Variants in PITPNC1 observed in about 807,000 individuals in gnomAD.
The protein encoded by PITPNC1 is cytoplasmic phosphatidylinositol transfer protein 1.
Under a neutral mutation model 44.7 loss-of-function variants are expected in PITPNC1, and 18 were observed. That is an observed-to-expected ratio of 0.40 (90% confidence interval 0.28 to 0.60). PITPNC1 has a LOEUF of 0.60. Among genes scored for constraint, PITPNC1 ranks in the 20% least tolerant of loss-of-function variants. The pLI, the probability that PITPNC1 is intolerant of heterozygous loss-of-function variation, is 0.39. For synonymous variants in PITPNC1, 141 were observed against 149.6 expected, an observed-to-expected ratio of 0.94 and a Z score of 0.42; for missense variants, 290 against 418.4, an observed-to-expected ratio of 0.69 and a Z score of 2.68.
chr17:67,408,707 TTCC>T (rs1407488224), intron 1 of PITPNC1: 1 of 148,518 alleles, frequency 6.7e-6, no homozygotes, highest in Non-Finnish European at 1.5e-5. Flanking sequence ...CCTTCCTTCC[TTCC>T]TTCCTTCCTT....
chr17:67,526,483 C>T (rs909328132), intron 1 of PITPNC1, among the ~76,000 whole-genome samples: 6 of 152,112 alleles, frequency 3.9e-5, no homozygotes, highest in African/African-American at 1.4e-4. Context: ...AATCCCAGCA[C>T]TTTGGGAGGC....
chr17:67,642,516 A>G (rs1039178594), intron 6 of PITPNC1, among the ~76,000 whole-genome samples: 20 of 152,178 alleles, frequency 1.3e-4, no homozygotes, highest in African/African-American at 4.6e-4. Flanking sequence ...ATGAATAGGA[A>G]CATTTGGAAA....
At chr17:67,423,759 G>T (rs2038703249) in intron 1 of PITPNC1, among the ~76,000 whole-genome samples, 1 of 152,134 alleles carries the variant, frequency 6.6e-6, no homozygotes, top group African/African-American at 2.4e-5. Context: ...CGTTTCTGTG[G>T]CTCCTTCAAG....
In PITPNC1 at chr17:67,428,839, C is replaced by CTTTT. The variant is rs369624053; in HGVS notation, c.48+50653_48+50656dup. 8.7e-3 allele frequency among the ~76,000 whole-genome samples: 979 copies of CTTTT among 113,122 alleles called. 44 individuals are homozygous for CTTTT. Among genetic ancestry groups the CTTTT allele is most frequent in the African/African-American group, 0.015 (439 of 30,252 alleles). 74.2% of individuals were successfully genotyped at this position (113,122 alleles called of 152,430 possible). A position where few individuals can be genotyped will look rare whatever the true frequency, so the allele number is the denominator to read the frequency against. ...TAACCATTTTTTTCTACTTGTCTTG[C>CTTTT]TTTTTTTTTTTTTTTTTTTGAGACG... On this transcript the variant is annotated intron_variant, in intron 1 of 8. Transcript: ENST00000581322.
intron 2 of PITPNC1, among the ~76,000 whole-genome samples, chr17:67,545,805 T>C (rs1206514491): frequency 1.3e-5 from 2 of 152,098 alleles, no homozygotes; most frequent in African/African-American, 2.4e-5. Flanking sequence ...CTGCTGGGCA[T>C]CACACACCGT....
At chr17:67,484,066 G>A (rs1309166103) in intron 1 of PITPNC1, among the ~76,000 whole-genome samples, 1 of 151,924 alleles carries the variant, frequency 6.6e-6, no homozygotes, top group Non-Finnish European at 1.5e-5. Context: ...TTACAGGCAT[G>A]TACCACCATG....
chr17:67,616,838 TC>T (rs1400019125), intron 5 of PITPNC1, among the ~76,000 whole-genome samples: 4 of 152,236 alleles, frequency 2.6e-5, no homozygotes, highest in Admixed American at 1.3e-4. Flanking sequence ...CCTGGTGCGT[TC>T]GTCAGCGGCT....
At chr17:67,420,857 TC>T (rs1241888225) in intron 1 of PITPNC1, among the ~76,000 whole-genome samples, 3 of 152,240 alleles carry the variant, frequency 2.0e-5, no homozygotes, top group African/African-American at 7.2e-5. Context: ...TTCTGATCAA[TC>T]AATAGCCCTT....
intron 2 of PITPNC1, among the ~76,000 whole-genome samples, chr17:67,540,494 T>C (rs1221168089): frequency 1.3e-5 from 2 of 152,196 alleles, no homozygotes; most frequent in Non-Finnish European, 2.9e-5. Flanking sequence ...AATTCAGAAG[T>C]GTACACCAAC....
intron 5 of PITPNC1, among the ~76,000 whole-genome samples, chr17:67,584,660 G>A (rs1425063409): frequency 6.6e-6 from 1 of 152,174 alleles, no homozygotes; most frequent in African/African-American, 2.4e-5. Flanking sequence ...CATGATTACT[G>A]TGATGGCCAC....
intron 1 of PITPNC1, among the ~76,000 whole-genome samples, chr17:67,442,113 T>G (rs971395139): frequency 6.6e-6 from 1 of 150,584 alleles, no homozygotes; most frequent in Non-Finnish European, 1.5e-5. Context: ...AAACTTTTAC[T>G]ATTGCTTTAG....
intron 1 of PITPNC1, among the ~76,000 whole-genome samples, chr17:67,407,921 G>T (rs1011121335): frequency 6.6e-6 from 1 of 152,102 alleles, no homozygotes; most frequent in Non-Finnish European, 1.5e-5. Flanking sequence ...AAACCCAATC[G>T]CTGTGCTTGT....
At chr17:67,690,494 T>C (rs1050319838) in intron 8 of PITPNC1, among the ~76,000 whole-genome samples, 16 of 151,860 alleles carry the variant, frequency 1.1e-4, no homozygotes, top group Admixed American at 3.3e-4. Flanking sequence ...ATTAATACTG[T>C]GTTATGAATA....
chr17:67,655,432 C>T (rs1422964443), intron 6 of PITPNC1, among the ~76,000 whole-genome samples: 3 of 151,698 alleles, frequency 2.0e-5, no homozygotes, highest in Non-Finnish European at 4.4e-5. Flanking sequence ...TGGTGGCAGG[C>T]GCCTGTGGTC....
intron 2 of PITPNC1, among the ~76,000 whole-genome samples, chr17:67,544,093 C>T (rs970202882): frequency 6.6e-6 from 1 of 152,164 alleles, no homozygotes; most frequent in Non-Finnish European, 1.5e-5. Context: ...TCAGGTGATC[C>T]GCCCACCTTG....
At position 67,480,796 on chromosome 17, in the gene PITPNC1, CTCAGTTAATACGACTT is replaced by C. The variant is rs543938078; in HGVS notation, c.49-52003_49-51988del. Among the ~76,000 whole-genome samples the C allele has an allele frequency of 1.1e-4, 17 of 152,302 alleles. No individual in the cohort carries two copies. The East Asian group carries it at 2.7e-3, about 24-fold the overall frequency. On this transcript the variant is annotated intron_variant, in intron 1 of 8. Coordinates refer to ENST00000581322, the MANE Select transcript of PITPNC1 (RefSeq NM_012417.4). ...CTGTAAGTATGCTTATGTTATGAAT[CTCAGTTAATACGACTT>C]TCTTTCTCATAGAATGCCATACCTC...
intron 6 of PITPNC1, among the ~76,000 whole-genome samples, chr17:67,644,854 C>T (rs2042129906): frequency 6.6e-6 from 1 of 152,136 alleles, no homozygotes; most frequent in Non-Finnish European, 1.5e-5. Flanking sequence ...GCCCTTAGAA[C>T]AGAGTTCCCA....
intron 5 of PITPNC1, among the ~76,000 whole-genome samples, chr17:67,631,647 A>ATATATATATATATATATATATATATAT (rs1172723407): frequency 1.1e-4 from 1 of 8,820 alleles, no homozygotes; most frequent in Non-Finnish European, 2.7e-4. Flanking sequence ...AAAAAAAAAA[A>ATATATATATATATATATATATATATAT]AAAAAAAAAA....
chr17:67,440,118 G>A (rs1010823145), intron 1 of PITPNC1, among the ~76,000 whole-genome samples: 2 of 152,118 alleles, frequency 1.3e-5, no homozygotes, highest in African/African-American at 4.8e-5. Context: ...TAAAACACTA[G>A]CCCTTGGGCT....
Sources: gnomAD v4.1 joint callset for allele counts (sites outside exome capture counted in the v4.1 genomes callset) on GRCh38, gnomAD v4.1.1 for gene constraint, MANE v1.5 for transcripts, NCBI Gene and HGNC (gene_info 2026-07-23, HGNC 2026-07-21) for gene names.